The following FARS2 variants were observed in gnomAD, a reference collection of about 807,000 sequenced individuals.
The protein encoded by FARS2 is phenylalanyl-tRNA synthetase 2, mitochondrial.
Under a neutral mutation model 46.4 loss-of-function variants are expected in FARS2, and 40 were observed. The observed-to-expected ratio is 0.86, with a 90% CI of 0.67 to 1.12. The LOEUF is 1.12. Ranked by LOEUF, FARS2 falls within the 50% of genes most tolerant of loss-of-function variation. The pLI, the probability that FARS2 is intolerant of heterozygous loss-of-function variation, is 0.00. For missense variants in FARS2, 513 were observed against 567.9 expected (o/e 0.90, Z 0.98); for synonymous variants, 234 against 214.9 (o/e 1.09, Z -0.78).
At chr6:5,444,786 G>GTA (rs1562045965) in intron 4 of FARS2, among the ~76,000 whole-genome samples, 2 of 150,822 alleles carry the variant, frequency 1.3e-5, no homozygotes, top group African/African-American at 4.9e-5. Flanking sequence ...AAAATGGGGC[G>GTA]GGGGGGAACT....
intron 1 of FARS2, among the ~76,000 whole-genome samples, chr6:5,360,744 A>G (rs902756167): frequency 6.6e-6 from 1 of 152,226 alleles, no homozygotes; most frequent in African/African-American, 2.4e-5. Flanking sequence ...AAAAAATTTT[A>G]TCCTCCCTCT....
chr6:5,439,940 C>T (rs1347721282), intron 4 of FARS2, among the ~76,000 whole-genome samples: 1 of 152,294 alleles, frequency 6.6e-6, no homozygotes, highest in African/African-American at 2.4e-5. Context: ...AACAAATACA[C>T]GTCAGCCTTA....
At chr6:5,271,224 T>C (rs1187605549) in intron 1 of FARS2, among the ~76,000 whole-genome samples, 3 of 152,278 alleles carry the variant, frequency 2.0e-5, no homozygotes, top group African/African-American at 7.2e-5. Flanking sequence ...TCTCTCTCGG[T>C]TATGGGAAAC....
chr6:5,390,370 C>T (rs1760426626), intron 2 of FARS2, among the ~76,000 whole-genome samples: 1 of 152,166 alleles, frequency 6.6e-6, no homozygotes, highest in African/African-American at 2.4e-5. Context: ...TCTTTTGCAT[C>T]GCACATGCTA....
At chr6:5,753,785 A>G (rs1289147159) in intron 6 of FARS2, among the ~76,000 whole-genome samples, 1 of 152,026 alleles carries the variant, frequency 6.6e-6, no homozygotes, top group African/African-American at 2.4e-5. Context: ...TCAGAGAGAG[A>G]CTCACCGGCC....
chr6:5,723,646 C>T (rs1222076109), intron 6 of FARS2, among the ~76,000 whole-genome samples: 1 of 152,134 alleles, frequency 6.6e-6, no homozygotes, highest in Non-Finnish European at 1.5e-5. Context: ...TGGGAAAAAC[C>T]AAGAATGAAG....
At chr6:5,359,802 T>TGA (rs1458501467) in intron 1 of FARS2, among the ~76,000 whole-genome samples, 2 of 152,242 alleles carry the variant, frequency 1.3e-5, no homozygotes, top group Non-Finnish European at 2.9e-5. Context: ...AGAGCATTTG[T>TGA]GAATGGTAAG....
chr6:5,514,229 C>T (rs938878289), intron 4 of FARS2, among the ~76,000 whole-genome samples: 1 of 152,046 alleles, frequency 6.6e-6, no homozygotes, highest in Non-Finnish European at 1.5e-5. Flanking sequence ...CTGCCAGCCA[C>T]CTAGTTAAAG....
intron 5 of FARS2, 135 bp from the exon 6 acceptor site, chr6:5,613,034 G>T: frequency 1.4e-6 from 1 of 693,948 alleles, no homozygotes. Context: ...AGTTCATTTT[G>T]TTCTGCAAAT....
At chr6:5,639,054 A>C (rs940746918) in intron 6 of FARS2, among the ~76,000 whole-genome samples, 16 of 152,232 alleles carry the variant, frequency 1.1e-4, no homozygotes, top group Admixed American at 5.9e-4. Context: ...ATGTACGGTG[A>C]AATTGATTGA....
At chr6:5,398,077 G>A (rs1581986648) in intron 2 of FARS2, among the ~76,000 whole-genome samples, 1 of 152,104 alleles carries the variant, frequency 6.6e-6, no homozygotes, top group South Asian at 2.1e-4. Flanking sequence ...GGTAAATGTG[G>A]CATCCATTAG....
intron 2 of FARS2, among the ~76,000 whole-genome samples, chr6:5,391,126 A>G (rs1388877908): frequency 6.6e-6 from 1 of 152,216 alleles, no homozygotes; most frequent in Non-Finnish European, 1.5e-5. Flanking sequence ...GTCCAGTTCT[A>G]AATCCTATTC....
intron 4 of FARS2, among the ~76,000 whole-genome samples, chr6:5,534,283 C>T (rs1459680108): frequency 1.3e-5 from 2 of 152,122 alleles, no homozygotes; most frequent in Non-Finnish European, 2.9e-5. Flanking sequence ...TAAAATGTTA[C>T]ATAATATAAA....
chr6:5,655,325 T>C (rs1216894192), intron 6 of FARS2, among the ~76,000 whole-genome samples: 2 of 152,210 alleles, frequency 1.3e-5, no homozygotes, highest in African/African-American at 4.8e-5. Flanking sequence ...GATTTTTTTT[T>C]CATTCCTTTT....
chr6:5,422,595 G>T (rs757264180), intron 3 of FARS2, among the ~76,000 whole-genome samples: 4 of 152,156 alleles, frequency 2.6e-5, no homozygotes, highest in Admixed American at 6.5e-5. Flanking sequence ...GATTAGATAC[G>T]TGAGCTGTTG....
At chr6:5,536,722 G>A (rs377024428) in intron 4 of FARS2, among the ~76,000 whole-genome samples, 1 of 152,136 alleles carries the variant, frequency 6.6e-6, no homozygotes, top group Admixed American at 6.5e-5. Flanking sequence ...GTCTCCAAAA[G>A]GTTAAATAGG....
chr6:5,690,557 C>G (rs1251606211), intron 6 of FARS2, among the ~76,000 whole-genome samples: 6 of 151,330 alleles, frequency 4.0e-5, no homozygotes, highest in African/African-American at 1.2e-4. Context: ...GAGTTTCTGC[C>G]GAGAGATCCG....
chr6:5,312,442 A>G (rs73365100), intron 1 of FARS2, among the ~76,000 whole-genome samples: 8,510 of 152,288 alleles, frequency 0.056, 277 homozygotes, highest in Middle Eastern at 0.13. Flanking sequence ...ATATTTGAGG[A>G]CAATATTGCC....
At chr6:5,680,682 CT>C (rs915682686) in intron 6 of FARS2, among the ~76,000 whole-genome samples, 2 of 151,704 alleles carry the variant, frequency 1.3e-5, no homozygotes, top group African/African-American at 4.8e-5. Flanking sequence ...GGTATATTTC[CT>C]TCTAATTTTG....
Sources: allele counts gnomAD v4.1 joint callset (sites outside exome capture counted in the v4.1 genomes callset), GRCh38; gene constraint gnomAD v4.1.1; transcripts MANE v1.5; gene names NCBI Gene and HGNC (gene_info 2026-07-23, HGNC 2026-07-21).